The following SLC41A2 variants were observed in gnomAD, a reference collection of about 807,000 sequenced individuals.
The protein encoded by SLC41A2 is solute carrier family 41 member 2, also known as SLC41A1-like 1.
Under a neutral mutation model 58.3 loss-of-function variants are expected in SLC41A2, and 32 were observed. The ratio of observed to expected loss-of-function variants is 0.55; its 90% CI spans 0.41 to 0.74. The LOEUF is 0.74. Among genes scored for constraint, SLC41A2 ranks in the 30% least tolerant of loss-of-function variants. The probability of loss-of-function intolerance (pLI) is 0.00; values close to 1 mark genes in which losing one functional copy is unlikely to be tolerated. For missense variants in SLC41A2, 514 were observed against 680.6 expected (o/e 0.76, Z 2.72); for synonymous variants, 190 against 235.0 (o/e 0.81, Z 1.75).
intron 10 of SLC41A2, among the ~76,000 whole-genome samples, chr12:104,832,993 C>T (rs887227684): frequency 6.6e-6 from 1 of 152,188 alleles, no homozygotes; most frequent in Admixed American, 6.5e-5. Flanking sequence ...TGAAATCATG[C>T]TGATTGACAC....
chr12:104,844,463 A>G lies in SLC41A2; in HGVS notation c.1536+9T>C. The G allele has an allele frequency of 7.0e-7, 1 of 1,430,704 alleles. No homozygotes were observed. Among genetic ancestry groups the G allele is most frequent in the Non-Finnish European group, 9.2e-7 (1 of 1,087,830 alleles). The allele number at this position is 1,430,704 out of a possible 1,614,324, so 88.6% of individuals were successfully genotyped here. A position where few individuals can be genotyped will look rare whatever the true frequency, so the allele number is the denominator to read the frequency against. ...CATAAAAGAGATTTCAAGAAGTTTT[A>G]ACTCTTACCTGTAACACAGCGCCAA... On this transcript the variant is annotated intron_variant, in intron 10 of 10. Coordinates refer to ENST00000258538, the MANE Select transcript of SLC41A2 (RefSeq NM_001352171.3).
At chr12:104,824,249 C>G (rs959698295) in intron 10 of SLC41A2, among the ~76,000 whole-genome samples, 6 of 151,840 alleles carry the variant, frequency 4.0e-5, no homozygotes, top group African/African-American at 1.2e-4. Context: ...GCCTATAAAC[C>G]CCCCCGAGAC....
upstream of SLC41A2, chr12:104,958,450 A>G (rs1270416450): frequency 1.3e-5 from 2 of 151,562 alleles, no homozygotes; most frequent in Non-Finnish European, 2.9e-5. Context: ...CCCCGCCCGG[A>G]CCCCGGCCGC....
chr12:104,845,966 C>T lies in SLC41A2; in HGVS notation c.1264G>A (p.Gly422Ser). The T allele has an allele frequency of 6.2e-7, 1 of 1,612,332 alleles. No individual in the cohort carries two copies. Among genetic ancestry groups the T allele is most frequent in the East Asian group, 2.2e-5 (1 of 44,816 alleles). Residue 422 changes from glycine (G) to serine (S), a missense_variant, in exon 9 of 11, where the codon GGT becomes AGT. Physicochemically the swap from Gly to Ser is moderately conservative, Grantham distance 56. This residue lies in a region of SLC41A2 where 50 missense variants were observed against 104.5 expected (regional missense o/e 0.48). Transcript: ENST00000258538. The part of the protein sequence containing the change: ...VYTPVINGIG[G>S]NLVAIQASRI... ...CTAGCCTGAATGGCCACCAAATTAC[C>T]ACCAATACCTGAAACACAAGGAAAA...
intron 2 of SLC41A2, among the ~76,000 whole-genome samples, chr12:104,910,886 C>G (rs1291184548): frequency 6.6e-6 from 1 of 152,192 alleles, no homozygotes; most frequent in Non-Finnish European, 1.5e-5. Flanking sequence ...AAAACTTTTT[C>G]CCTTTCCAGG....
chr12:104,868,245 T>C (rs2043572054), intron 6 of SLC41A2, among the ~76,000 whole-genome samples: 1 of 152,050 alleles, frequency 6.6e-6, no homozygotes, highest in Admixed American at 6.6e-5. Flanking sequence ...ACAACTAAGG[T>C]TGCCAATAAT....
At chr12:104,858,194 A>G (rs1484741771) in intron 8 of SLC41A2, among the ~76,000 whole-genome samples, 6 of 152,216 alleles carry the variant, frequency 3.9e-5, no homozygotes, top group Non-Finnish European at 4.4e-5. Context: ...ACTAGTTCTG[A>G]AAGACATTAA....
chr12:104,812,818 G>A (rs1274242310), intron 10 of SLC41A2, among the ~76,000 whole-genome samples: 1 of 151,762 alleles, frequency 6.6e-6, no homozygotes, highest in Non-Finnish European at 1.5e-5. Context: ...ACTTTTGAGG[G>A]GCAAAACACT....
At chr12:104,894,294 A>C (rs1053022249) in intron 4 of SLC41A2, among the ~76,000 whole-genome samples, 4 of 151,696 alleles carry the variant, frequency 2.6e-5, no homozygotes, top group African/African-American at 9.7e-5. Context: ...TCAAGGCTGC[A>C]GTGAGCCATG....
chr12:104,813,589 C>G (rs561601904), intron 10 of SLC41A2, among the ~76,000 whole-genome samples: 36 of 152,124 alleles, frequency 2.4e-4, no homozygotes, highest in Non-Finnish European at 4.9e-4. Flanking sequence ...AACACACACA[C>G]AGAATTTAAA....
chr12:104,945,542 T>C (rs1019044016), intron 1 of SLC41A2, among the ~76,000 whole-genome samples: 1 of 151,934 alleles, frequency 6.6e-6, no homozygotes, highest in Admixed American at 6.6e-5. Flanking sequence ...CCACAAAAGA[T>C]ACACAAAAAC....
intron 7 of SLC41A2, among the ~76,000 whole-genome samples, chr12:104,863,347 G>A (rs888882699): frequency 2.0e-5 from 3 of 152,066 alleles, no homozygotes; most frequent in Non-Finnish European, 2.9e-5. Flanking sequence ...AGGCAGGAGG[G>A]TTGTTTGAGC....
intron 8 of SLC41A2, among the ~76,000 whole-genome samples, chr12:104,860,662 C>T (rs1480991491): frequency 6.6e-6 from 1 of 152,014 alleles, no homozygotes; most frequent in Non-Finnish European, 1.5e-5. Flanking sequence ...TAGCCTCTAA[C>T]TCCTGGGCTC....
At chr12:104,913,504 A>G (rs367553614) in intron 2 of SLC41A2, among the ~76,000 whole-genome samples, 2 of 152,158 alleles carry the variant, frequency 1.3e-5, no homozygotes, top group South Asian at 2.1e-4. Flanking sequence ...GCCAGTCTAC[A>G]TGGGACTCAT....
rs1488581128 is a variant in SLC41A2, at chr12:104,928,007, G to C, written c.521C>G (p.Thr174Arg). Residue 174 changes from threonine (T) to arginine (R), a missense_variant, in exon 2 of 11, where the codon ACA (threonine) becomes AGA (arginine). By Grantham distance (71) the Thr-to-Arg change is moderately conservative. Coordinates refer to ENST00000258538, the MANE Select transcript of SLC41A2 (RefSeq NM_001352171.3). ...ATCCAGTACCATGCCAGCTGAAACT[G>C]TTCCAAAACCAGCTAGCAAAAAGGG... ...LVPFLLAGFG[T>R]VSAGMVLDIV... 1 of 1,612,070 alleles carries C rather than the reference G, an allele frequency of 6.2e-7. No individual in the cohort carries two copies. Among genetic ancestry groups the C allele is most frequent in the Non-Finnish European group, 8.5e-7 (1 of 1,178,994 alleles).
intron 3 of SLC41A2, among the ~76,000 whole-genome samples, chr12:104,896,328 T>C (rs2045279493): frequency 6.6e-6 from 1 of 152,196 alleles, no homozygotes; most frequent in South Asian, 2.1e-4. Context: ...ATCCAGCAAA[T>C]GCAAATATTG....
At chr12:104,836,632 A>C (rs1035164543) in intron 10 of SLC41A2, among the ~76,000 whole-genome samples, 7 of 152,236 alleles carry the variant, frequency 4.6e-5, no homozygotes, top group Non-Finnish European at 8.8e-5. Flanking sequence ...GTACAGAGAC[A>C]GTAGAACCAA....
At chr12:104,812,900 C>T (rs1198039736) in intron 10 of SLC41A2, among the ~76,000 whole-genome samples, 2 of 152,148 alleles carry the variant, frequency 1.3e-5, no homozygotes, top group South Asian at 2.1e-4. Flanking sequence ...AAATTCAGGC[C>T]AGGCATGGTG....
intron 6 of SLC41A2, among the ~76,000 whole-genome samples, chr12:104,868,698 A>C (rs184900583): frequency 4.6e-4 from 70 of 152,358 alleles, no homozygotes; most frequent in African/African-American, 1.6e-3. Flanking sequence ...AGTAGAAGCA[A>C]CCTAAATGTT....
Sources: gnomAD v4.1 joint callset for allele counts (sites outside exome capture counted in the v4.1 genomes callset) on GRCh38, gnomAD v4.1.1 for gene constraint, gnomAD v4.1.1 regional missense constraint, MANE v1.5 for transcripts, NCBI Gene and HGNC (gene_info 2026-07-23, HGNC 2026-07-21) for gene names.